Variants in FGF14 observed in about 807,000 individuals in gnomAD.
FGF14 encodes the protein fibroblast growth factor homologous factor 4.
FGF14 carries 5 observed loss-of-function variants against 25.5 expected under a neutral mutation model. The observed-to-expected ratio is 0.20, with a 90% CI of 0.10 to 0.41. The LOEUF is 0.41. Ranked by LOEUF, FGF14 falls within the 10% of genes least tolerant of loss-of-function variation. The probability of loss-of-function intolerance (pLI) is 1.00; values close to 1 mark genes in which losing one functional copy is unlikely to be tolerated. For synonymous variants in FGF14, 138 were observed against 118.3 expected (o/e 1.17, Z -1.08); for missense variants, 222 against 320.1 (o/e 0.69, Z 2.34).
chr13:102,118,991 C>T (rs2045596601), intron 1 of FGF14, among the ~76,000 whole-genome samples: 1 of 152,072 alleles, frequency 6.6e-6, no homozygotes, highest in African/African-American at 2.4e-5. Context: ...ACTCCTACAA[C>T]CCCTAATGAA....
intron 1 of FGF14, among the ~76,000 whole-genome samples, chr13:102,270,601 A>G (rs1403381111): frequency 1.3e-5 from 2 of 152,186 alleles, no homozygotes; most frequent in South Asian, 4.1e-4. Flanking sequence ...TCTGTAAACA[A>G]TATAAGTTGA....
chr13:102,105,774 A>G (rs545804959), intron 1 of FGF14, among the ~76,000 whole-genome samples: 30 of 152,260 alleles, frequency 2.0e-4, no homozygotes, highest in Non-Finnish European at 2.6e-4. Context: ...CATTTTGTAA[A>G]CTCAATTTTC....
At chr13:101,960,337 C>T (rs921697304) in intron 1 of FGF14, among the ~76,000 whole-genome samples, 3 of 152,166 alleles carry the variant, frequency 2.0e-5, no homozygotes, top group Non-Finnish European at 2.9e-5. Flanking sequence ...AGCTATTTTT[C>T]CTGATGCTCT....
chr13:101,855,655 T>C (rs2044088131), intron 3 of FGF14, among the ~76,000 whole-genome samples: 1 of 152,012 alleles, frequency 6.6e-6, no homozygotes, highest in African/African-American at 2.4e-5. Flanking sequence ...CATCATATTT[T>C]GGACCTGATA....
At chr13:102,081,429 C>T (rs1248054043) in intron 1 of FGF14, among the ~76,000 whole-genome samples, 2 of 152,190 alleles carry the variant, frequency 1.3e-5, no homozygotes, top group Non-Finnish European at 2.9e-5. Context: ...GGACATTTAA[C>T]ATTTTCCTTT....
Position 102,225,193 on chromosome 13 carries a change from C to T in FGF14, c.208+176278G>A, listed in dbSNP as rs79183116. ...GCTTCCTTCTTTGCAGCTCCTCTTT[C>T]AATCCCTCTCTCTCCCTCCTCTCTT... On this transcript the variant is annotated intron_variant, in intron 1 of 4. Coordinates refer to the FGF14 transcript ENST00000376131. Among the ~76,000 whole-genome samples, 294 of 152,216 alleles carry T rather than the reference C, an allele frequency of 1.9e-3. 6 individuals carry two copies. In the East Asian group the frequency reaches 0.05, roughly 26 times the overall value.
intron 1 of FGF14, among the ~76,000 whole-genome samples, chr13:102,112,347 C>G (rs553801739): frequency 1.3e-5 from 2 of 152,100 alleles, no homozygotes; most frequent in East Asian, 3.9e-4. Flanking sequence ...AGGTCCCCCG[C>G]CTTCTCCACA....
chr13:102,000,853 T>C (rs2039455334), intron 1 of FGF14, among the ~76,000 whole-genome samples: 1 of 152,202 alleles, frequency 6.6e-6, no homozygotes, highest in Non-Finnish European at 1.5e-5. Flanking sequence ...AATGGAAATG[T>C]CCTATAATCA....
chr13:102,324,596 G>A lies in FGF14; in HGVS notation c.208+76875C>T, dbSNP rs368872457. Among the ~76,000 whole-genome samples, 7 of 152,272 alleles carry A rather than the reference G, an allele frequency of 4.6e-5. No individual in the cohort carries two copies. In the South Asian group the frequency reaches 1.2e-3, roughly 27 times the overall value. ...ATCAAAGTCTTTGACACAGTGGCTA[G>A]AACAGAGCAGGCCCTCAAAAAACGT... is the stretch of plus-strand genomic sequence containing the variant. On this transcript the variant is annotated intron_variant, in intron 1 of 4. Coordinates refer to the FGF14 transcript ENST00000376131.
chr13:102,087,129 G>C (rs1038963390), intron 1 of FGF14, among the ~76,000 whole-genome samples: 4 of 152,178 alleles, frequency 2.6e-5, no homozygotes, highest in African/African-American at 4.8e-5. Context: ...AGATTAGCTG[G>C]TTTGGGAAAT....
intron 1 of FGF14, among the ~76,000 whole-genome samples, chr13:101,994,098 A>G (rs1423606956): frequency 1.3e-5 from 2 of 152,008 alleles, no homozygotes; most frequent in Admixed American, 1.3e-4. Context: ...TTTAGAAATG[A>G]AATGTTATGA....
chr13:101,808,098 T>C (rs4772416), intron 3 of FGF14, among the ~76,000 whole-genome samples: 133,516 of 151,948 alleles, frequency 0.88, 58,884 homozygotes, highest in Non-Finnish European at 0.92. Flanking sequence ...GGTTTGTGTC[T>C]AGGAGGTACA....
chr13:101,828,669 A>G (rs1429744211), intron 3 of FGF14, among the ~76,000 whole-genome samples: 3 of 152,078 alleles, frequency 2.0e-5, no homozygotes. Context: ...AATAACCATG[A>G]TCTCCCAAAT....
chr13:102,014,345 C>G (rs1298053087), intron 1 of FGF14, among the ~76,000 whole-genome samples: 3 of 152,100 alleles, frequency 2.0e-5, no homozygotes, highest in Admixed American at 2.0e-4. Context: ...TGTAACAACT[C>G]TATAATATTC....
chr13:101,898,135 T>G lies in FGF14; in HGVS notation c.193+18318A>C, dbSNP rs141685708. On this transcript the variant is annotated intron_variant, in intron 1 of 4. Coordinates refer to ENST00000376143, the MANE Select transcript of FGF14 (RefSeq NM_004115.4). ...GTATTGAACTCCTGACCTCAAGTGA[T>G]CCACCTGCCTCAGCCTCCCAAAATA... Among the ~76,000 whole-genome samples the G allele has an allele frequency of 6.2e-3, 946 of 152,220 alleles. 11 individuals carry two copies. The highest frequency in any genetic ancestry group is 0.021 in the African/African-American group (890 of 41,524).
At chr13:102,325,402 C>A (rs1046083723) in intron 1 of FGF14, among the ~76,000 whole-genome samples, 4 of 152,052 alleles carry the variant, frequency 2.6e-5, no homozygotes, top group African/African-American at 9.7e-5. Context: ...TGGGGCCATT[C>A]AAAGACTGTA....
chr13:101,855,319 A>G (rs1280627463), intron 3 of FGF14, among the ~76,000 whole-genome samples: 1 of 152,070 alleles, frequency 6.6e-6, no homozygotes, highest in Admixed American at 6.6e-5. Context: ...AGAATGAAAT[A>G]TATCACTTTT....
chr13:101,766,182 A>G (rs1395471014), intron 3 of FGF14, among the ~76,000 whole-genome samples: 1 of 152,220 alleles, frequency 6.6e-6, no homozygotes, highest in African/African-American at 2.4e-5. Context: ...TTCAGGTGCA[A>G]GATATTTGAT....
chr13:102,047,127 GT>G (rs1262663618), intron 1 of FGF14, among the ~76,000 whole-genome samples: 2 of 152,054 alleles, frequency 1.3e-5, no homozygotes, highest in Non-Finnish European at 2.9e-5. Flanking sequence ...TTTTTTCTGG[GT>G]TGTAGCCTAG....
Sources: gnomAD v4.1 joint callset for allele counts (sites outside exome capture counted in the v4.1 genomes callset) on GRCh38, gnomAD v4.1.1 for gene constraint, MANE v1.5 for transcripts, NCBI Gene and HGNC (gene_info 2026-07-23, HGNC 2026-07-21) for gene names.